The following MARCHF11 variants were observed in gnomAD, a reference collection of about 807,000 sequenced individuals.
The protein encoded by MARCHF11 is E3 ubiquitin-protein ligase MARCHF11.
In MARCHF11, 29 loss-of-function variants were observed where a neutral mutation model predicts 37.3. The ratio of observed to expected loss-of-function variants is 0.78; its 90% CI spans 0.58 to 1.06. The LOEUF is 1.06. MARCHF11 is among the 50% of genes least tolerant of loss of function. The pLI is 0.00. For missense variants in MARCHF11, 482 were observed against 533.4 expected (o/e 0.90, Z 0.95); for synonymous variants, 233 against 228.0 (o/e 1.02, Z -0.20).
At chr5:16,086,388 C>T (rs1198042847) in intron 3 of MARCHF11, among the ~76,000 whole-genome samples, 1 of 152,070 alleles carries the variant, frequency 6.6e-6, no homozygotes, top group Non-Finnish European at 1.5e-5. Flanking sequence ...ATAGATTTCA[C>T]AATTATAAAC....
chr5:16,096,470 A>G (rs1045079720), intron 2 of MARCHF11, among the ~76,000 whole-genome samples: 7 of 152,228 alleles, frequency 4.6e-5, no homozygotes, highest in Non-Finnish European at 8.8e-5. Flanking sequence ...CACCAGTCCT[A>G]CAAAGGTTCT....
intron 1 of MARCHF11, among the ~76,000 whole-genome samples, chr5:16,178,442 A>G (rs1579430719): frequency 6.6e-6 from 1 of 152,232 alleles, no homozygotes; most frequent in Non-Finnish European, 1.5e-5. Context: ...TTACTCTCAT[A>G]TAAGTTTGCA....
At chr5:16,138,946 G>C (rs1737657837) in intron 2 of MARCHF11, among the ~76,000 whole-genome samples, 1 of 152,174 alleles carries the variant, frequency 6.6e-6, no homozygotes, top group African/African-American at 2.4e-5. Flanking sequence ...ACTTGCTTTT[G>C]ATTTTACAGG....
rs559957566 is a variant in MARCHF11 at position 16,162,639 on chromosome 5, C to A, written c.693+15087G>T. On this transcript the variant is annotated intron_variant, in intron 2 of 3. Coordinates refer to ENST00000332432, the MANE Select transcript of MARCHF11 (RefSeq NM_001102562.3). ...GAATTTCTACTTATATATTATCAGT[C>A]TGTTTGCAAGGTATGAGCCTAATGG... Among the ~76,000 whole-genome samples the A allele has an allele frequency of 1.2e-4, 18 of 151,796 alleles. No homozygotes were observed. In the South Asian group the frequency reaches 3.5e-3, roughly 30 times the overall value.
chr5:16,179,160 G>T lies in MARCHF11; in HGVS notation c.416C>A (p.Pro139His). The T allele has an allele frequency of 7.0e-7, 1 of 1,436,932 alleles. No homozygotes were observed. Among genetic ancestry groups the T allele is most frequent in the South Asian group, 1.4e-5 (1 of 71,622 alleles). 89.0% of individuals were successfully genotyped at this position (1,436,932 alleles called of 1,614,324 possible). A position where few individuals can be genotyped will look rare whatever the true frequency, so the allele number is the denominator to read the frequency against. The stretch of plus-strand genomic sequence containing the variant: ...GCTGCTGCACACCGAGCGCGTCTCG[G>T]GCTGGTCTCCGGCGCCCCGCCGCTC... ...ERERRGAGDQ[P>H]ETRSVCSSRS... The change falls in exon 1 of 4, where the codon CCC becomes CAC. Residue 139 changes from proline to histidine, a missense_variant. Coordinates refer to ENST00000332432, the MANE Select transcript of MARCHF11 (RefSeq NM_001102562.3).
intron 1 of MARCHF11, 58 bp from the exon 2 acceptor site, chr5:16,177,939 T>G (rs1301224336): frequency 4.7e-6 from 7 of 1,482,892 alleles, no homozygotes; most frequent in Middle Eastern, 3.6e-4. Context: ...TTTAAAAACC[T>G]AATGCTTCCT....
At chr5:16,155,480 T>C (rs1737965600) in intron 2 of MARCHF11, among the ~76,000 whole-genome samples, 1 of 151,878 alleles carries the variant, frequency 6.6e-6, no homozygotes, top group Non-Finnish European at 1.5e-5. Context: ...AAGTTATTTA[T>C]GTAGTTAAAA....
At chr5:16,172,642 G>A (rs1738289244) in intron 2 of MARCHF11, among the ~76,000 whole-genome samples, 1 of 152,126 alleles carries the variant, frequency 6.6e-6, no homozygotes, top group Non-Finnish European at 1.5e-5. Context: ...ATGTTTTCTT[G>A]ATACATTTTC....
chr5:16,177,592 A>G, intron 2 of MARCHF11, 134 bp downstream of exon 2: 1 of 650,810 alleles, frequency 1.5e-6, no homozygotes, highest in Non-Finnish European at 2.3e-6. Flanking sequence ...TACAAATTCT[A>G]AATCTTGGTT....
Position 16,179,079 on chromosome 5 carries a change from T to A in MARCHF11, c.497A>T (p.His166Leu), listed in dbSNP as rs1227392688. 2.7e-6 allele frequency: 4 copies of A among 1,495,142 alleles called. No individual in the cohort carries two copies. In the African/African-American group the frequency reaches 5.8e-5, roughly 22 times the overall value. 92.6% of individuals were successfully genotyped at this position (1,495,142 alleles called of 1,614,324 possible). The change falls in exon 1 of 4, where the codon CAC (histidine) becomes CTC (leucine). Residue 166 changes from histidine (H) to leucine (L), a missense_variant. Physicochemically the swap from His to Leu is moderately conservative, Grantham distance 99 (BLOSUM62 -3). Transcript: ENST00000332432. ...DQRAGHQHQH[H>L]QPICKICFQG... ...GAAGCAGATCTTGCAGATGGGCTGG[T>A]GGTGCTGGTGCTGGTGCCCAGCGCG...
At position 16,125,635 on chromosome 5, in the gene MARCHF11, G is replaced by C. The variant is rs879646419; in HGVS notation, c.694-34554C>G. On this transcript the variant is annotated intron_variant, in intron 2 of 3. Coordinates refer to ENST00000332432, the MANE Select transcript of MARCHF11 (RefSeq NM_001102562.3). ...GCACACTCTCTGTGTGTGTGTGTGT[G>C]TGTGTGTGTGTGTGTGTGTGTGTGT... Among the ~76,000 whole-genome samples, 989 of 133,458 alleles carry C rather than the reference G, an allele frequency of 7.4e-3. 9 individuals are homozygous for C. Among genetic ancestry groups the C allele is most frequent in the Middle Eastern group, 0.022 (6 of 278 alleles). 87.6% of individuals were successfully genotyped at this position (133,458 alleles called of 152,430 possible). A position where few individuals can be genotyped will look rare whatever the true frequency, so the allele number is the denominator to read the frequency against.
intron 2 of MARCHF11, among the ~76,000 whole-genome samples, chr5:16,108,924 G>T (rs1737091209): frequency 6.6e-6 from 1 of 152,152 alleles, no homozygotes; most frequent in Non-Finnish European, 1.5e-5. Flanking sequence ...TGCTGGTGAT[G>T]ATGGCCAAGG....
At chr5:16,158,414 T>C (rs1177776801) in intron 2 of MARCHF11, among the ~76,000 whole-genome samples, 2 of 151,998 alleles carry the variant, frequency 1.3e-5, no homozygotes, top group Non-Finnish European at 1.5e-5. Flanking sequence ...GTGGCATCTA[T>C]GCATAATGGA....
At chr5:16,101,056 A>T (rs1736946168) in intron 2 of MARCHF11, among the ~76,000 whole-genome samples, 1 of 151,842 alleles carries the variant, frequency 6.6e-6, no homozygotes, top group Admixed American at 6.6e-5. Context: ...AATACCAAAG[A>T]TTCTGTATCT....
chr5:16,170,203 A>C (rs1738236017), intron 2 of MARCHF11, among the ~76,000 whole-genome samples: 1 of 152,152 alleles, frequency 6.6e-6, no homozygotes, highest in African/African-American at 2.4e-5. Flanking sequence ...TCATACAGTA[A>C]AATTTCCAAC....
At chr5:16,121,070 TTAAA>T (rs1737301812) in intron 2 of MARCHF11, among the ~76,000 whole-genome samples, 1 of 152,240 alleles carries the variant, frequency 6.6e-6, no homozygotes. Flanking sequence ...TTCCTTACTG[TTAAA>T]TAAATACAAG....
At chr5:16,156,153 T>G (rs344732) in intron 2 of MARCHF11, among the ~76,000 whole-genome samples, 1 of 151,916 alleles carries the variant, frequency 6.6e-6, no homozygotes, top group Non-Finnish European at 1.5e-5. Context: ...AATGTATTTA[T>G]TGTAAACTTA....
intron 2 of MARCHF11, among the ~76,000 whole-genome samples, chr5:16,098,284 G>A (rs1736903457): frequency 1.3e-5 from 2 of 152,154 alleles, no homozygotes; most frequent in South Asian, 4.1e-4. Flanking sequence ...ACTTCTATTC[G>A]ACCTTGCACT....
rs1738427977 is a variant in MARCHF11, at chr5:16,179,368, C to G, written c.208G>C (p.Gly70Arg). The G allele has an allele frequency of 1.7e-6, 2 of 1,170,272 alleles. No homozygotes were observed. The highest frequency in any genetic ancestry group is 2.1e-6 in the Non-Finnish European group (2 of 949,100). The allele number at this position is 1,170,272 out of a possible 1,614,324, so 72.5% of individuals were successfully genotyped here. Residue 70 changes from glycine to arginine, a missense_variant, in exon 1 of 4, where the codon GGG becomes CGG. Gly to Arg is a moderately radical substitution (Grantham distance 125, BLOSUM62 -2). Transcript: ENST00000332432. ...CCCCTGCACCGCGGGGCCACCTCCC[C>G]TAGCGGCTCGCTTGGCCCCGCGGCG... ...ERAAGPSEPL[G>R]EVAPRCRGAD...
Sources: allele counts gnomAD v4.1 joint callset (sites outside exome capture counted in the v4.1 genomes callset), GRCh38; gene constraint gnomAD v4.1.1; transcripts MANE v1.5; gene names NCBI Gene and HGNC (gene_info 2026-07-23, HGNC 2026-07-21).